Variants in LARGE1 observed in about 807,000 individuals in gnomAD.
LARGE1 encodes the protein LARGE xylosyl- and glucuronyltransferase 1.
A neutral mutation model predicts 87.6 loss-of-function variants in LARGE1; 43 were observed. That is an observed-to-expected ratio of 0.49 (90% CI 0.38 to 0.63). The LOEUF is 0.63. Ranked by LOEUF, LARGE1 falls within the 30% of genes least tolerant of loss-of-function variation. The probability of loss-of-function intolerance (pLI) is 0.00; values close to 1 mark genes in which losing one functional copy is unlikely to be tolerated. For missense variants in LARGE1, 802 were observed against 1,000.2 expected, an observed-to-expected ratio of 0.80 and a Z score of 2.67; for synonymous variants, 434 against 394.6, an observed-to-expected ratio of 1.10 and a Z score of -1.18.
At chr22:33,323,134 C>T (rs1936914906) in intron 10 of LARGE1, among the ~76,000 whole-genome samples, 1 of 151,836 alleles carries the variant, frequency 6.6e-6, no homozygotes, top group South Asian at 2.1e-4. Flanking sequence ...AAAACAACCA[C>T]CACCATCAAA....
At chr22:33,720,298 G>T (rs58888938) in intron 2 of LARGE1, among the ~76,000 whole-genome samples, 5,731 of 152,124 alleles carry the variant, frequency 0.038, 374 homozygotes, top group African/African-American at 0.13. Flanking sequence ...TGCCACTGCC[G>T]ATCTGACAGG....
At chr22:33,649,159 G>A (rs981788929) in intron 3 of LARGE1, among the ~76,000 whole-genome samples, 10 of 152,156 alleles carry the variant, frequency 6.6e-5, no homozygotes, top group African/African-American at 2.2e-4. Flanking sequence ...AACCAGGCTT[G>A]AGAAACCTGA....
Position 33,743,138 on chromosome 22 carries a change from C to T in LARGE1, c.106+18233G>A, listed in dbSNP as rs564464121. ...TGCCTTTCGCCCTGATTGTAAGCAC[C>T]CTGAGGCCTCCCCAGAAGCCAAGCA... On this transcript the variant is annotated intron_variant, in intron 2 of 14. Coordinates refer to ENST00000397394, the MANE Select transcript of LARGE1 (RefSeq NM_133642.5). 4 of 152,246 alleles carry T rather than the reference C, an allele frequency of 2.6e-5. No individual in the cohort carries two copies. In the East Asian group the frequency reaches 7.8e-4, roughly 30 times the overall value. 9.4% of individuals were successfully genotyped at this position (152,246 alleles called of 1,614,324 possible).
At chr22:33,417,132 CTT>C (rs891091526) in intron 7 of LARGE1, among the ~76,000 whole-genome samples, 18 of 152,206 alleles carry the variant, frequency 1.2e-4, no homozygotes, top group African/African-American at 4.3e-4. Context: ...CTCTCTATCT[CTT>C]GACCTCGTGA....
intron 11 of LARGE1, among the ~76,000 whole-genome samples, chr22:33,215,232 G>A (rs550898477): frequency 2.0e-5 from 3 of 151,952 alleles, no homozygotes; most frequent in Non-Finnish European, 4.4e-5. Flanking sequence ...CACCGTGCCC[G>A]GCCTTACAGT....
chr22:33,504,606 G>C (rs911900947), intron 6 of LARGE1, among the ~76,000 whole-genome samples: 11 of 152,162 alleles, frequency 7.2e-5, no homozygotes, highest in African/African-American at 2.4e-4. Flanking sequence ...TTAGAGACTG[G>C]CAGGCTGGTT....
intron 6 of LARGE1, among the ~76,000 whole-genome samples, chr22:33,472,541 T>C (rs1018688802): frequency 5.9e-5 from 9 of 152,148 alleles, no homozygotes; most frequent in African/African-American, 2.2e-4. Flanking sequence ...TGGCTAAATT[T>C]AGAGGTGAGG....
At chr22:33,097,120 C>T in the LARGE1 span, among the ~76,000 whole-genome samples, 2 of 152,214 alleles carry the variant, frequency 1.3e-5, no homozygotes, top group African/African-American at 4.8e-5. Flanking sequence ...GGGCCCCCTT[C>T]CTTTGCCTCC....
chr22:33,074,715 GA>G, the LARGE1 span, among the ~76,000 whole-genome samples: 3 of 150,576 alleles, frequency 2.0e-5, no homozygotes, highest in East Asian at 1.9e-4. Context: ...AAGAAAAAAA[GA>G]AAAAAATCAT....
chr22:33,458,077 G>A (rs937956018), intron 6 of LARGE1, among the ~76,000 whole-genome samples: 6 of 149,856 alleles, frequency 4.0e-5, no homozygotes, highest in African/African-American at 1.5e-4. Flanking sequence ...CTTCATATTT[G>A]TTTAATAAAT....
chr22:33,346,974 G>A (rs912147470), intron 9 of LARGE1, among the ~76,000 whole-genome samples: 7 of 152,102 alleles, frequency 4.6e-5, no homozygotes, highest in African/African-American at 9.7e-5. Context: ...CCTTTCTATC[G>A]TAAACAGAGA....
intron 6 of LARGE1, among the ~76,000 whole-genome samples, chr22:33,440,521 C>A (rs1338370248): frequency 6.6e-6 from 1 of 152,100 alleles, no homozygotes; most frequent in Non-Finnish European, 1.5e-5. Context: ...CAGCAGAGAA[C>A]CTAATAGTGC....
chr22:33,068,514 G>T, the LARGE1 span, among the ~76,000 whole-genome samples: 1 of 152,052 alleles, frequency 6.6e-6, no homozygotes, highest in South Asian at 2.1e-4. Flanking sequence ...GTGTGGTGGC[G>T]GGCACCTGTA....
intron 1 of LARGE1, among the ~76,000 whole-genome samples, chr22:33,913,581 T>C (rs901082190): frequency 6.6e-6 from 1 of 152,160 alleles, no homozygotes; most frequent in Admixed American, 6.6e-5. Flanking sequence ...GTCTTGCTCT[T>C]TCCCCAGGCT....
chr22:33,555,399 C>T (rs758359407), intron 6 of LARGE1, among the ~76,000 whole-genome samples: 3 of 151,548 alleles, frequency 2.0e-5, no homozygotes, highest in Admixed American at 6.6e-5. Flanking sequence ...GGTGATGAGT[C>T]CTCTTGAAAA....
At chr22:33,507,269 T>C (rs1273690560) in intron 6 of LARGE1, among the ~76,000 whole-genome samples, 1 of 152,100 alleles carries the variant, frequency 6.6e-6, no homozygotes, top group East Asian at 1.9e-4. Flanking sequence ...TGAAACAAGG[T>C]TGTCTGAATG....
intron 2 of LARGE1, among the ~76,000 whole-genome samples, chr22:33,675,540 A>C (rs1296589305): frequency 1.3e-5 from 2 of 152,106 alleles, no homozygotes. Context: ...AAAAACAACA[A>C]AATAAGACAA....
chr22:33,749,281 A>G (rs537476915), intron 2 of LARGE1, among the ~76,000 whole-genome samples: 5 of 152,236 alleles, frequency 3.3e-5, no homozygotes, highest in Non-Finnish European at 5.9e-5. Context: ...CGCCTGGATA[A>G]TTTTGTATTT....
intron 5 of LARGE1, 68 bp downstream of exon 5, chr22:33,604,367 G>A: frequency 6.2e-7 from 1 of 1,602,894 alleles, no homozygotes; most frequent in South Asian, 1.1e-5. Context: ...GCTACAGTCT[G>A]CTCAACCACA....
Sources: allele counts gnomAD v4.1 joint callset (sites outside exome capture counted in the v4.1 genomes callset), GRCh38; gene constraint gnomAD v4.1.1; transcripts MANE v1.5; gene names NCBI Gene and HGNC (gene_info 2026-07-23, HGNC 2026-07-21).